Variants in LRRC37A2 observed in about 807,000 individuals in gnomAD.
LRRC37A2 encodes leucine rich repeat containing 37 member A2.
A neutral mutation model predicts 68.8 loss-of-function variants in LRRC37A2; 9 were observed. The observed-to-expected ratio is 0.13, with a 90% CI of 0.08 to 0.23. The LOEUF (loss-of-function observed/expected upper bound fraction) is 0.23. LRRC37A2 is among the 10% of genes least tolerant of loss of function. The probability of loss-of-function intolerance (pLI) is 1.00; values close to 1 mark genes in which losing one functional copy is unlikely to be tolerated. For missense variants in LRRC37A2, 168 were observed against 950.4 expected, an observed-to-expected ratio of 0.18 and a Z score of 10.82; for synonymous variants, 63 against 367.6, an observed-to-expected ratio of 0.17 and a Z score of 9.48.
the LRRC37A2 span, chr17:46,932,005 G>T: frequency 6.7e-7 from 1 of 1,490,228 alleles, no homozygotes. Context: ...ACAAAGCCTG[G>T]CCCCCTCAGA....
the LRRC37A2 span, chr17:46,728,731 A>G: frequency 1.9e-5 from 10 of 535,138 alleles, no homozygotes; most frequent in Admixed American, 3.6e-5. Context: ...TTCTTATTCT[A>G]TACATATTCT....
chr17:46,499,823 G>T, the LRRC37A2 span, among the ~76,000 whole-genome samples: 1 of 44,838 alleles, frequency 2.2e-5, no homozygotes, highest in East Asian at 5.2e-4. Context: ...AAAAATACGA[G>T]AAATTAATTA....
At chr17:46,935,007 A>G in the LRRC37A2 span, 18 of 1,609,722 alleles carry the variant, frequency 1.1e-5, no homozygotes, top group Non-Finnish European at 8.5e-7. Context: ...AAGTTAATCA[A>G]GTGCCTGTGT....
At chr17:47,003,243 C>CAAAA in the LRRC37A2 span, among the ~76,000 whole-genome samples, 1 of 73,234 alleles carries the variant, frequency 1.4e-5, no homozygotes, top group African/African-American at 5.4e-5. Flanking sequence ...AATAGAGACT[C>CAAAA]AAAAAAAAAA....
At chr17:46,940,265 A>G in the LRRC37A2 span, 1 of 1,425,838 alleles carries the variant, frequency 7.0e-7, no homozygotes, top group Non-Finnish European at 9.1e-7. Flanking sequence ...GTTGGAGGAG[A>G]TCTCCATTGT....
the LRRC37A2 span, among the ~76,000 whole-genome samples, chr17:46,834,899 A>G: frequency 6.6e-6 from 1 of 152,320 alleles, no homozygotes; most frequent in African/African-American, 2.4e-5. Flanking sequence ...ATTCCAAAAA[A>G]TGGCCATTGA....
At chr17:46,816,447 C>G in the LRRC37A2 span, among the ~76,000 whole-genome samples, 1 of 144,614 alleles carries the variant, frequency 6.9e-6, no homozygotes, top group Non-Finnish European at 1.5e-5. Context: ...TAGAAAACAC[C>G]TCTTAGGGTC....
At chr17:46,938,903 A>G in the LRRC37A2 span, 40 of 1,532,530 alleles carry the variant, frequency 2.6e-5, no homozygotes, top group East Asian at 9.7e-4. Context: ...ATTGTGGTCT[A>G]ATTTCCAACC....
chr17:46,911,851 C>G, the LRRC37A2 span, among the ~76,000 whole-genome samples: 12 of 152,286 alleles, frequency 7.9e-5, no homozygotes, highest in African/African-American at 2.9e-4. Flanking sequence ...CCACTGCACT[C>G]TAGCCTGGGT....
the LRRC37A2 span, among the ~76,000 whole-genome samples, chr17:47,006,388 G>A: frequency 6.6e-6 from 1 of 152,040 alleles, no homozygotes; most frequent in African/African-American, 2.4e-5. Context: ...TTGGGAGGCA[G>A]ATCACCTGAA....
At chr17:46,783,102 T>A in the LRRC37A2 span, among the ~76,000 whole-genome samples, 1 of 152,340 alleles carries the variant, frequency 6.6e-6, no homozygotes, top group African/African-American at 2.4e-5. Context: ...CGGGGCCCTC[T>A]GGCTCGCCTG....
At chr17:46,876,826 C>T in the LRRC37A2 span, 44 of 1,438,724 alleles carry the variant, frequency 3.1e-5, no homozygotes, top group Middle Eastern at 5.1e-4. Flanking sequence ...ATGCATAAAC[C>T]GGCATGTGTG....
chr17:46,795,893 CAT>C, the LRRC37A2 span, among the ~76,000 whole-genome samples: 4 of 152,260 alleles, frequency 2.6e-5, no homozygotes, highest in East Asian at 7.7e-4. Context: ...CACACACACA[CAT>C]GCATGCACGC....
chr17:46,886,370 T>C, the LRRC37A2 span: 1 of 152,194 alleles, frequency 6.6e-6, no homozygotes, highest in Non-Finnish European at 1.5e-5. Context: ...AATTAATAAA[T>C]AAAATTTGTA....
At chr17:46,816,311 G>A in the LRRC37A2 span, among the ~76,000 whole-genome samples, 4 of 152,036 alleles carry the variant, frequency 2.6e-5, no homozygotes, top group South Asian at 8.3e-4. Flanking sequence ...GCTCACACTC[G>A]TGTGCAGACA....
chr17:46,899,570 C>T, the LRRC37A2 span, among the ~76,000 whole-genome samples: 1 of 152,050 alleles, frequency 6.6e-6, no homozygotes, highest in Non-Finnish European at 1.5e-5. Context: ...ATAGAAAAAT[C>T]CATAGACACA....
At chr17:46,855,918 A>G in the LRRC37A2 span, among the ~76,000 whole-genome samples, 1 of 152,046 alleles carries the variant, frequency 6.6e-6, no homozygotes. Flanking sequence ...GGAACTCCTG[A>G]CCTCAAATGA....
the LRRC37A2 span, among the ~76,000 whole-genome samples, chr17:46,874,370 C>A: frequency 3.3e-5 from 5 of 152,084 alleles, no homozygotes; most frequent in African/African-American, 1.2e-4. Flanking sequence ...AGAAATGGGC[C>A]CATCCAAATG....
At chr17:46,732,119 T>C in the LRRC37A2 span, among the ~76,000 whole-genome samples, 21 of 152,234 alleles carry the variant, frequency 1.4e-4, no homozygotes, top group Non-Finnish European at 2.4e-4. Context: ...AAATATTTAT[T>C]ACTGGTAAGA....
Sources: gnomAD v4.1 joint callset for allele counts (sites outside exome capture counted in the v4.1 genomes callset) on GRCh38, gnomAD v4.1.1 for gene constraint, MANE v1.5 for transcripts, NCBI Gene and HGNC (gene_info 2026-07-23, HGNC 2026-07-21) for gene names.